PEAK1: variants seen among roughly 807,000 people sequenced by gnomAD.
PEAK1 encodes the protein pseudopodium enriched atypical kinase 1, also known as inactive tyrosine-protein kinase PEAK1.
In PEAK1, 54 loss-of-function variants were observed where a neutral mutation model predicts 124.7. That is an observed-to-expected ratio of 0.43 (90% CI 0.35 to 0.54). The LOEUF is 0.54. Ranked by LOEUF, PEAK1 falls within the 20% of genes least tolerant of loss-of-function variation. The pLI is 0.01. For missense variants in PEAK1, 2,046 were observed against 2,134.5 expected (o/e 0.96, Z 0.82); for synonymous variants, 719 against 760.0 (o/e 0.95, Z 0.89).
chr15:77,268,622 C>A (rs988387293), intron 5 of PEAK1, among the ~76,000 whole-genome samples: 5 of 152,076 alleles, frequency 3.3e-5, no homozygotes, highest in African/African-American at 1.2e-4. Context: ...CTTTCTTGGC[C>A]TTGCTAGGGA....
Position 77,114,117 on chromosome 15 carries a change from G to C in PEAK1, c.*39C>G. ...AGGGGAAGTGCATGGGTGACATGAA[G>C]AAGGTGAAGATGTAGTAAAAGCATC... On this transcript the variant is annotated 3_prime_UTR_variant, in exon 10 of 10. Coordinates refer to ENST00000682557, the MANE Select transcript of PEAK1 (RefSeq NM_001385026.1). The C allele has an allele frequency of 6.3e-7, 1 of 1,587,452 alleles. No homozygotes were observed. Among genetic ancestry groups the C allele is most frequent in the African/African-American group, 1.3e-5 (1 of 74,562 alleles).
chr15:77,350,129 C>G (rs1446203387), intron 2 of PEAK1: 2 of 985,368 alleles, frequency 2.0e-6, no homozygotes, highest in Non-Finnish European at 2.4e-6. Flanking sequence ...AAAGCCACTT[C>G]GAAAGATGTG....
chr15:77,356,003 T>C (rs1304101307), intron 2 of PEAK1: 108 of 909,192 alleles, frequency 1.2e-4, no homozygotes, highest in Non-Finnish European at 1.4e-4. Flanking sequence ...AAAGAACTAC[T>C]AAAGTTCTAT....
chr15:77,223,448 C>G (rs1003740042), intron 6 of PEAK1, among the ~76,000 whole-genome samples: 3 of 151,966 alleles, frequency 2.0e-5, no homozygotes, highest in Non-Finnish European at 2.9e-5. Context: ...CTGTCTTCAT[C>G]AAAATTCAAG....
intron 6 of PEAK1, among the ~76,000 whole-genome samples, chr15:77,245,560 G>C (rs535751673): frequency 6.6e-6 from 1 of 151,696 alleles, no homozygotes; most frequent in Admixed American, 6.6e-5. Context: ...TTAGCCGGGC[G>C]TGGTGGCACA....
chr15:77,261,792 T>C (rs896023027), intron 5 of PEAK1, among the ~76,000 whole-genome samples: 8 of 152,032 alleles, frequency 5.3e-5, no homozygotes, highest in East Asian at 1.9e-4. Flanking sequence ...AGAGCAACTC[T>C]AAGACACATA....
chr15:77,368,841 C>T (rs1201544338), intron 1 of PEAK1, among the ~76,000 whole-genome samples: 1 of 152,104 alleles, frequency 6.6e-6, no homozygotes, highest in African/African-American at 2.4e-5. Context: ...CTTCTCATGA[C>T]AGAAAAATCT....
At chr15:77,215,722 T>C (rs2059120816) in intron 6 of PEAK1, among the ~76,000 whole-genome samples, 1 of 152,134 alleles carries the variant, frequency 6.6e-6, no homozygotes, top group African/African-American at 2.4e-5. Context: ...TTCTTTTAGT[T>C]TGTGCTTTTG....
At chr15:77,362,271 C>T (rs967286009) in intron 2 of PEAK1, among the ~76,000 whole-genome samples, 2 of 151,754 alleles carry the variant, frequency 1.3e-5, no homozygotes, top group African/African-American at 4.8e-5. Context: ...GTTAATAACC[C>T]TATCTGATCA....
chr15:77,178,956 A>G lies in PEAK1; in HGVS notation c.2971T>C (p.Tyr991His), dbSNP rs2057057912. ...SSEKPAIVFM[Y>H]RCDPAQGQLS... ...TGGCCTTGAGCAGGGTCGCACCTGT[A>G]CATGAAGACAATGGCTGGTTTCTCA... Residue 991 changes from tyrosine to histidine, a missense_variant, in exon 7 of 10, where the codon TAC becomes CAC. Tyr to His is a moderately conservative substitution (Grantham distance 83, BLOSUM62 2). Coordinates refer to ENST00000682557, the MANE Select transcript of PEAK1 (RefSeq NM_001385026.1). The G allele has an allele frequency of 6.2e-7, 1 of 1,614,102 alleles. No homozygotes were observed. Among genetic ancestry groups the G allele is most frequent in the Non-Finnish European group, 8.5e-7 (1 of 1,180,006 alleles).
In PEAK1 at chr15:77,179,012, T is replaced by C. The variant is rs200955431; in HGVS notation, c.2915A>G (p.His972Arg). 8.7e-6 allele frequency: 14 copies of C among 1,614,114 alleles called. No homozygotes were observed. The highest frequency in any genetic ancestry group is 1.1e-5 in the Non-Finnish European group (13 of 1,180,020). ...MLPPPPVQRHHWFTEAKGESS... is the reference protein window; with the variant it reads ...MLPPPPVQRHRWFTEAKGESS... ...CTCTCCTTTCGCCTCTGTGAACCAG[T>C]GATGGCGCTGAACTGGAGGAGGAGG... Residue 972 changes from histidine to arginine, a missense_variant, in exon 7 of 10, where the codon CAC (histidine) becomes CGC (arginine). Coordinates refer to ENST00000682557, the MANE Select transcript of PEAK1 (RefSeq NM_001385026.1).
At chr15:77,223,886 A>ATTTTTTT (rs10719377) in intron 6 of PEAK1, among the ~76,000 whole-genome samples, 2 of 121,606 alleles carry the variant, frequency 1.6e-5, no homozygotes, top group Non-Finnish European at 3.5e-5. Flanking sequence ...CATTTGAGAG[A>ATTTTTTT]TTTTTTTTTT....
intron 2 of PEAK1, among the ~76,000 whole-genome samples, chr15:77,345,612 C>T (rs566296829): frequency 7.9e-5 from 12 of 152,238 alleles, no homozygotes; most frequent in African/African-American, 1.9e-4. Flanking sequence ...GATAACACTG[C>T]GGCATACATC....
At chr15:77,419,544 C>T in intron 1 of PEAK1, 4 of 985,230 alleles carry the variant, frequency 4.1e-6, no homozygotes, top group South Asian at 9.4e-5. Flanking sequence ...GCCGATGCTC[C>T]CGGGTGCGGG....
intron 7 of PEAK1, among the ~76,000 whole-genome samples, chr15:77,173,675 A>C (rs1170267361): frequency 1.3e-5 from 2 of 152,146 alleles, no homozygotes; most frequent in Non-Finnish European, 2.9e-5. Context: ...TCTGAGTTTG[A>C]ATGTTTTACA....
chr15:77,118,755 C>T (rs950052993), intron 9 of PEAK1, among the ~76,000 whole-genome samples: 2 of 152,114 alleles, frequency 1.3e-5, no homozygotes, highest in African/African-American at 4.8e-5. Flanking sequence ...TCCTAGGACC[C>T]CCAAAATTTA....
Position 77,206,589 on chromosome 15 carries a change from A to AT in PEAK1, c.-114-24550dup, listed in dbSNP as rs756652716. 4.6e-3 allele frequency among the ~76,000 whole-genome samples: 705 copies of AT among 151,642 alleles called. 4 individuals carry two copies. Among genetic ancestry groups the AT allele is most frequent in the African/African-American group, 0.016 (656 of 41,294 alleles). The stretch of plus-strand genomic sequence containing the variant: ...TCTCTGATAGCCAGTGATGATGAGC[A>AT]TTTTTTCATGTGTTTTTTGGCTGCA... On this transcript the variant is annotated intron_variant, in intron 6 of 9. Transcript: ENST00000682557.
intron 2 of PEAK1, among the ~76,000 whole-genome samples, chr15:77,326,843 A>G (rs976084162): frequency 3.9e-5 from 6 of 152,092 alleles, no homozygotes; most frequent in Non-Finnish European, 8.8e-5. Flanking sequence ...AGCTCGTGCT[A>G]TAGGCAGGCA....
intron 2 of PEAK1, among the ~76,000 whole-genome samples, chr15:77,312,898 T>C (rs2153004148): frequency 6.6e-6 from 1 of 152,252 alleles, no homozygotes; most frequent in Non-Finnish European, 1.5e-5. Flanking sequence ...AAGGACAAGG[T>C]AGTTAGAAAT....
Sources: allele counts gnomAD v4.1 joint callset (sites outside exome capture counted in the v4.1 genomes callset), GRCh38; gene constraint gnomAD v4.1.1; transcripts MANE v1.5; gene names NCBI Gene and HGNC (gene_info 2026-07-23, HGNC 2026-07-21).